Variants in PTCHD4 observed in about 807,000 individuals in gnomAD.
PTCHD4 encodes patched domain containing 4, also known as patched domain-containing protein 4.
PTCHD4 carries 33 observed loss-of-function variants against 58.1 expected under a neutral mutation model. The ratio of observed to expected loss-of-function variants is 0.57; its 90% CI spans 0.43 to 0.76. The LOEUF (loss-of-function observed/expected upper bound fraction) is 0.76. PTCHD4 is among the 30% of genes least tolerant of loss of function. The probability of loss-of-function intolerance (pLI) is 0.00; values close to 1 mark genes in which losing one functional copy is unlikely to be tolerated. For synonymous variants in PTCHD4, 478 were observed against 409.6 expected (o/e 1.17, Z -2.02); for missense variants, 1,058 against 1,027.1 (o/e 1.03, Z -0.41).
chr6:48,099,330 G>T (rs1269531996), intron 1 of PTCHD4, among the ~76,000 whole-genome samples: 2 of 152,136 alleles, frequency 1.3e-5, no homozygotes, highest in Non-Finnish European at 2.9e-5. Flanking sequence ...GCCACTTTAG[G>T]AATTTCTGTT....
chr6:47,953,567 T>C (rs973279013), intron 4 of PTCHD4, among the ~76,000 whole-genome samples: 3 of 152,142 alleles, frequency 2.0e-5, no homozygotes, highest in African/African-American at 7.2e-5. Context: ...AAAATCAACA[T>C]AGTCACTGAA....
In PTCHD4 at chr6:48,019,216, G is replaced by A. The variant is rs191041960; in HGVS notation, c.418-10102C>T. The stretch of plus-strand genomic sequence containing the variant: ...GTGACACACAGCACAGGTGGAAAGA[G>A]GCAAGGAAAGAGGCAACTGTTTATT... On this transcript the variant is annotated intron_variant, in intron 3 of 4. Coordinates refer to ENST00000339488, the MANE Select transcript of PTCHD4 (RefSeq NM_001384253.1). Among the ~76,000 whole-genome samples the A allele has an allele frequency of 7.2e-4, 109 of 152,316 alleles. 2 individuals carry two copies. Among genetic ancestry groups the A allele is most frequent in the Non-Finnish European group, 2.9e-5 (2 of 68,030 alleles).
chr6:47,954,348 C>T (rs546257833), intron 4 of PTCHD4, among the ~76,000 whole-genome samples: 26 of 152,172 alleles, frequency 1.7e-4, no homozygotes, highest in Non-Finnish European at 2.4e-4. Context: ...CAGAGTGAGA[C>T]TCTGTCTCAA....
intron 4 of PTCHD4, among the ~76,000 whole-genome samples, chr6:47,979,284 G>T (rs868670778): frequency 1.3e-5 from 2 of 152,082 alleles, no homozygotes; most frequent in South Asian, 4.1e-4. Flanking sequence ...TTTATAAAAA[G>T]TCAATGAGTG....
chr6:48,064,872 A>G (rs1042441542), intron 3 of PTCHD4, among the ~76,000 whole-genome samples: 1 of 152,190 alleles, frequency 6.6e-6, no homozygotes, highest in Non-Finnish European at 1.5e-5. Context: ...AGGTCATGTC[A>G]TATAGATGTA....
rs184174820 is a variant in PTCHD4, at chr6:47,859,754, T to C, written c.*18549A>G. 6.6e-5 allele frequency among the ~76,000 whole-genome samples: 10 copies of C among 152,090 alleles called. No homozygotes were observed. Among genetic ancestry groups the C allele is most frequent in the Admixed American group, 5.9e-4 (9 of 15,252 alleles). On this transcript the variant is annotated 3_prime_UTR_variant, in exon 5 of 5. Coordinates refer to ENST00000339488, the MANE Select transcript of PTCHD4 (RefSeq NM_001384253.1). ...GATTTACTATATTTTCATGAGATTG[T>C]CAGGAAAGGCCTCTCTAATGCATAC... is the stretch of plus-strand genomic sequence containing the variant.
chr6:47,934,380 T>C (rs1232371611), intron 4 of PTCHD4, among the ~76,000 whole-genome samples: 1 of 152,000 alleles, frequency 6.6e-6, no homozygotes, highest in Non-Finnish European at 1.5e-5. Context: ...AAGAACCCCA[T>C]CTTTAGCTGA....
chr6:48,108,499 G>T (rs572937608), intron 1 of PTCHD4, among the ~76,000 whole-genome samples: 1 of 152,118 alleles, frequency 6.6e-6, no homozygotes, highest in African/African-American at 2.4e-5. Context: ...TATACCTAAT[G>T]CTAAATGATG....
intron 3 of PTCHD4, among the ~76,000 whole-genome samples, chr6:48,045,827 C>G (rs1193642913): frequency 6.7e-6 from 1 of 149,522 alleles, no homozygotes; most frequent in East Asian, 2.0e-4. Context: ...CAGAGATTGA[C>G]TTTAACGCAT....
At chr6:47,892,108 A>T (rs1235223047) in intron 4 of PTCHD4, among the ~76,000 whole-genome samples, 1 of 152,166 alleles carries the variant, frequency 6.6e-6, no homozygotes, top group Non-Finnish European at 1.5e-5. Flanking sequence ...TGATAACATG[A>T]ATATTAACAT....
At chr6:47,951,300 G>A (rs753799812) in intron 4 of PTCHD4, among the ~76,000 whole-genome samples, 15 of 152,158 alleles carry the variant, frequency 9.9e-5, no homozygotes, top group Non-Finnish European at 1.8e-4. Flanking sequence ...CTAGCCCAAA[G>A]GGGCATTGGG....
chr6:48,010,773 G>C (rs1408152660), intron 3 of PTCHD4, among the ~76,000 whole-genome samples: 1 of 152,060 alleles, frequency 6.6e-6, no homozygotes, highest in Non-Finnish European at 1.5e-5. Context: ...ATAGGCCCTG[G>C]TGTGTGATGT....
At chr6:48,064,719 A>G (rs918980551) in intron 3 of PTCHD4, among the ~76,000 whole-genome samples, 4 of 152,110 alleles carry the variant, frequency 2.6e-5, no homozygotes, top group Non-Finnish European at 5.9e-5. Context: ...TAAGTTAATG[A>G]CTATTTGTTG....
chr6:48,100,148 G>C (rs562420787), intron 1 of PTCHD4, among the ~76,000 whole-genome samples: 1 of 152,294 alleles, frequency 6.6e-6, no homozygotes, highest in African/African-American at 2.4e-5. Context: ...GTGAGTGGAT[G>C]TGCATAAGGA....
At position 47,871,031 on chromosome 6, in the gene PTCHD4, C is replaced by T. The variant is rs1763701164; in HGVS notation, c.*7272G>A. ...TCATAATTTCATACATTTAGTCACC[C>T]TTCTTTGCTGTAGAAACTGGTATTT... On this transcript the variant is annotated 3_prime_UTR_variant, in exon 5 of 5. Transcript: ENST00000339488. 6.6e-6 allele frequency among the ~76,000 whole-genome samples: 1 copy of T among 151,540 alleles called. No individual in the cohort carries two copies. Among genetic ancestry groups the T allele is most frequent in the Non-Finnish European group, 1.5e-5 (1 of 67,658 alleles).
At position 47,873,811 on chromosome 6, in the gene PTCHD4, G is replaced by A. The variant is rs548770824; in HGVS notation, c.*4492C>T. Among the ~76,000 whole-genome samples the A allele has an allele frequency of 3.3e-4, 50 of 151,776 alleles. No individual in the cohort carries two copies. Among genetic ancestry groups the A allele is most frequent in the African/African-American group, 1.1e-3 (47 of 41,478 alleles). Reference sequence around the variant, plus strand: ...TGTTTTGGGTCAATGTCATAAAATTGTCACAAAATTTTGGTAATTGAGAAA... The same window carrying A: ...TGTTTTGGGTCAATGTCATAAAATTATCACAAAATTTTGGTAATTGAGAAA... On this transcript the variant is annotated 3_prime_UTR_variant, in exon 5 of 5. Coordinates refer to ENST00000339488, the MANE Select transcript of PTCHD4 (RefSeq NM_001384253.1).
In PTCHD4 at chr6:47,876,308, A is replaced by T. The variant is rs1382534537; in HGVS notation, c.*1995T>A. ...TAATTTTCCCCACTCAAATCTATAG[A>T]TATTGCACTGAAACTGACACAATGG... On this transcript the variant is annotated 3_prime_UTR_variant, in exon 5 of 5. Coordinates refer to ENST00000339488, the MANE Select transcript of PTCHD4 (RefSeq NM_001384253.1). Among the ~76,000 whole-genome samples the T allele has an allele frequency of 6.6e-6, 1 of 151,964 alleles. No homozygotes were observed. The highest frequency in any genetic ancestry group is 2.4e-5 in the African/African-American group (1 of 41,412).
rs76884446 is a variant in PTCHD4, at chr6:48,044,583, C to T, written c.417+23647G>A. On this transcript the variant is annotated intron_variant, in intron 3 of 4. Coordinates refer to ENST00000339488, the MANE Select transcript of PTCHD4 (RefSeq NM_001384253.1). ...GGTTGGCAATGTACAGCCCACCAAA[C>T]AAACCTGGCCCTTGCCAGTTTTTCT... 2.0e-5 allele frequency among the ~76,000 whole-genome samples: 3 copies of T among 152,000 alleles called. No individual in the cohort carries two copies. The East Asian group carries it at 5.8e-4, about 29-fold the overall frequency.
chr6:47,873,543 A>G lies in PTCHD4; in HGVS notation c.*4760T>C, dbSNP rs891975684. Among the ~76,000 whole-genome samples, 2 of 151,714 alleles carry G rather than the reference A, an allele frequency of 1.3e-5. No homozygotes were observed. The highest frequency in any genetic ancestry group is 2.9e-5 in the Non-Finnish European group (2 of 67,806). Reference sequence around the variant, plus strand: ...CCATACACAGTCCCTCCCCTGCTGGATCTCATGCAGTGTGGCTTTGTTGCT... The same window carrying G: ...CCATACACAGTCCCTCCCCTGCTGGGTCTCATGCAGTGTGGCTTTGTTGCT... On this transcript the variant is annotated 3_prime_UTR_variant, in exon 5 of 5. Coordinates refer to ENST00000339488, the MANE Select transcript of PTCHD4 (RefSeq NM_001384253.1).
Sources: gnomAD v4.1 joint callset for allele counts (sites outside exome capture counted in the v4.1 genomes callset) on GRCh38, gnomAD v4.1.1 for gene constraint, MANE v1.5 for transcripts, NCBI Gene and HGNC (gene_info 2026-07-23, HGNC 2026-07-21) for gene names.